Variants in FARSB observed in about 807,000 individuals in gnomAD.
The protein encoded by FARSB is phenylalanyl-tRNA synthetase subunit beta.
Under a neutral mutation model 69.6 loss-of-function variants are expected in FARSB, and 40 were observed. That is an observed-to-expected ratio of 0.57 (90% CI 0.45 to 0.75). The LOEUF (loss-of-function observed/expected upper bound fraction) is 0.75, where lower values mean the gene tolerates loss of function less well. Among genes scored for constraint, FARSB ranks in the 30% least tolerant of loss-of-function variants. The pLI is 0.00. For missense variants in FARSB, 632 were observed against 722.9 expected (o/e 0.87, Z 1.44); for synonymous variants, 235 against 247.2 (o/e 0.95, Z 0.46).
At chr2:222,641,051 G>T (rs1466975467) in intron 3 of FARSB, 120 bp from the exon 4 acceptor site, 2 of 400,602 alleles carry the variant, frequency 5.0e-6, no homozygotes, top group South Asian at 1.0e-4. Context: ...TTGAGTTACA[G>T]CAAGTCAAAT....
chr2:222,656,002 G>T lies in FARSB; in HGVS notation c.58+14C>A. Reference sequence around the variant, plus strand: ...GAAGAGGCGTAGGGCCCAACGTATAGGGCCGCCACTCACTGTAGGTGCGGC... The same window carrying T: ...GAAGAGGCGTAGGGCCCAACGTATATGGCCGCCACTCACTGTAGGTGCGGC... On this transcript the variant is annotated intron_variant, in intron 1 of 16. Transcript: ENST00000281828. 1 of 1,588,584 alleles carries T rather than the reference G, an allele frequency of 6.3e-7. No individual in the cohort carries two copies. The highest frequency in any genetic ancestry group is 8.6e-7 in the Non-Finnish European group (1 of 1,164,886).
intron 15 of FARSB, among the ~76,000 whole-genome samples, chr2:222,609,459 T>C (rs1690788045): frequency 6.6e-6 from 1 of 152,238 alleles, no homozygotes; most frequent in Non-Finnish European, 1.5e-5. Context: ...TTCCTTGTTA[T>C]CAACTGAAAA....
At chr2:222,622,600 G>C (rs1006732809) in intron 13 of FARSB, among the ~76,000 whole-genome samples, 1 of 152,170 alleles carries the variant, frequency 6.6e-6, no homozygotes, top group Non-Finnish European at 1.5e-5. Context: ...AACTACAAAT[G>C]TGTGTATATA....
intron 15 of FARSB, among the ~76,000 whole-genome samples, chr2:222,603,167 C>A (rs554802510): frequency 6.6e-6 from 1 of 152,098 alleles, no homozygotes; most frequent in Non-Finnish European, 1.5e-5. Flanking sequence ...CGAATGCTGG[C>A]CTCATTTTGC....
At chr2:222,641,542 G>A (rs1007727201) in intron 3 of FARSB, among the ~76,000 whole-genome samples, 1 of 152,140 alleles carries the variant, frequency 6.6e-6, no homozygotes, top group Non-Finnish European at 1.5e-5. Context: ...ATAGGTGTTG[G>A]GTGGCGACTA....
chr2:222,603,151 A>G (rs1178276439), intron 15 of FARSB, among the ~76,000 whole-genome samples: 1 of 152,192 alleles, frequency 6.6e-6, no homozygotes, highest in Non-Finnish European at 1.5e-5. Context: ...TAACACAAAC[A>G]TAGAACGAAT....
chr2:222,601,751 C>A (rs568166743), intron 15 of FARSB, among the ~76,000 whole-genome samples: 76 of 152,296 alleles, frequency 5.0e-4, no homozygotes, highest in African/African-American at 1.8e-3. Context: ...GCAGCCTCAA[C>A]TTCCTGGGCT....
At position 222,571,862 on chromosome 2, in the gene FARSB, G is replaced by C. The variant is rs763162761; in HGVS notation, c.*9C>G. 1 of 1,610,612 alleles carries C rather than the reference G, an allele frequency of 6.2e-7. No homozygotes were observed. Among genetic ancestry groups the C allele is most frequent in the East Asian group, 2.2e-5 (1 of 44,818 alleles). On this transcript the variant is annotated 3_prime_UTR_variant, in exon 17 of 17. Transcript: ENST00000281828. ...CCTGGGAAGAGAATCACACCACAGA[G>C]ACCAATCTTCACAAAAAGGGTCCAA...
At chr2:222,638,733 T>C (rs1691646083) in intron 5 of FARSB, among the ~76,000 whole-genome samples, 1 of 152,194 alleles carries the variant, frequency 6.6e-6, no homozygotes. Flanking sequence ...ACTACAATTA[T>C]TAGCAAATAG....
chr2:222,615,182 T>C (rs766283276), intron 14 of FARSB, among the ~76,000 whole-genome samples: 9 of 152,228 alleles, frequency 5.9e-5, no homozygotes, highest in Non-Finnish European at 1.2e-4. Context: ...CCAACACATG[T>C]TACCAGAAGA....
intron 1 of FARSB, among the ~76,000 whole-genome samples, chr2:222,654,703 A>T (rs2106020889): frequency 6.6e-6 from 1 of 152,352 alleles, no homozygotes; most frequent in South Asian, 2.1e-4. Flanking sequence ...AGAATATCAC[A>T]TAGAGAATAG....
chr2:222,654,872 A>T (rs985078067), intron 1 of FARSB, among the ~76,000 whole-genome samples: 2 of 152,146 alleles, frequency 1.3e-5, no homozygotes, highest in Non-Finnish European at 2.9e-5. Flanking sequence ...GCTCTCACGA[A>T]CCAGTTGGTC....
At chr2:222,637,318 C>G (rs1249731129) in intron 5 of FARSB, among the ~76,000 whole-genome samples, 1 of 152,050 alleles carries the variant, frequency 6.6e-6, no homozygotes, top group Admixed American at 6.6e-5. Context: ...CAGGAGACTC[C>G]CTGAGAGCAA....
At chr2:222,572,069 A>C in intron 16 of FARSB, 47 bp from the exon 17 acceptor site, 1 of 1,539,572 alleles carries the variant, frequency 6.5e-7, no homozygotes, top group Non-Finnish European at 8.9e-7. Flanking sequence ...TTCTGGCAAA[A>C]CATCAATAGA....
At chr2:222,651,776 G>T (rs1369551981) in intron 1 of FARSB, among the ~76,000 whole-genome samples, 1 of 152,170 alleles carries the variant, frequency 6.6e-6, no homozygotes, top group Non-Finnish European at 1.5e-5. Context: ...AATTGAAAGG[G>T]ATAGAAATAG....
chr2:222,581,020 C>T (rs74365391), intron 16 of FARSB, among the ~76,000 whole-genome samples: 9,419 of 152,224 alleles, frequency 0.062, 610 homozygotes, highest in African/African-American at 0.17. Context: ...TCCTGACCCA[C>T]AGCCCACATG....
intron 2 of FARSB, among the ~76,000 whole-genome samples, chr2:222,645,615 CT>C (rs34378478): frequency 0.32 from 46,511 of 144,104 alleles, 7,277 homozygotes; most frequent in Middle Eastern, 0.46. Context: ...TAAAGTATGT[CT>C]TTTTTTTTTT....
At chr2:222,603,967 C>T (rs551150302) in intron 15 of FARSB, among the ~76,000 whole-genome samples, 4 of 151,654 alleles carry the variant, frequency 2.6e-5, no homozygotes, top group African/African-American at 7.3e-5. Flanking sequence ...CTGTAATCCC[C>T]GCACTTTGGG....
rs1333847840 is a variant in FARSB, at chr2:222,588,615, C to T, written c.1618+11313G>A. Among the ~76,000 whole-genome samples, 16 of 152,158 alleles carry T rather than the reference C, an allele frequency of 1.1e-4. No individual in the cohort carries two copies. The East Asian group carries it at 2.3e-3, about 22-fold the overall frequency. ...TGATTGTATATTTAGAAAACCCCAT[C>T]GTCTCAGCCCAAAACCTCCTTAAGC... is the stretch of plus-strand genomic sequence containing the variant. On this transcript the variant is annotated intron_variant, in intron 16 of 16. Transcript: ENST00000281828.
Sources: allele counts gnomAD v4.1 joint callset (sites outside exome capture counted in the v4.1 genomes callset), GRCh38; gene constraint gnomAD v4.1.1; transcripts MANE v1.5; gene names NCBI Gene and HGNC (gene_info 2026-07-23, HGNC 2026-07-21).